CACNG1: variants seen among roughly 807,000 people sequenced by gnomAD.
CACNG1 encodes voltage-dependent calcium channel gamma-1 subunit.
A neutral mutation model predicts 22.0 loss-of-function variants in CACNG1; 21 were observed. The observed-to-expected ratio is 0.95, with a 90% CI of 0.68 to 1.37. The LOEUF (loss-of-function observed/expected upper bound fraction) is 1.37. CACNG1 is among the 40% of genes most tolerant of loss of function. The probability of loss-of-function intolerance (pLI) is 0.00; values close to 1 mark genes in which losing one functional copy is unlikely to be tolerated. For missense variants in CACNG1, 291 were observed against 308.6 expected, an observed-to-expected ratio of 0.94 and a Z score of 0.43; for synonymous variants, 127 against 129.2, an observed-to-expected ratio of 0.98 and a Z score of 0.12.
intron 1 of CACNG1, among the ~76,000 whole-genome samples, chr17:67,047,406 T>A (rs1328196294): frequency 1.3e-5 from 2 of 152,222 alleles, no homozygotes; most frequent in Admixed American, 6.5e-5. Flanking sequence ...ACTTGCCTTA[T>A]TCCTGTTTCC....
intron 1 of CACNG1, among the ~76,000 whole-genome samples, chr17:67,052,199 G>A (rs898149359): frequency 2.3e-4 from 35 of 152,188 alleles, no homozygotes; most frequent in African/African-American, 8.2e-4. Context: ...CACCAATTCT[G>A]ACATCACCAC....
rs776361976 is a variant in CACNG1 at position 67,056,102 on chromosome 17, A to T, written c.500A>T (p.Asp167Val). ...VMRQSVKRMI[D>V]SEDTVWIEYY... ...CGGCAGTCGGTGAAGCGCATGATTG[A>T]CAGTGAGGACACCGTCTGGATCGAG... is the stretch of plus-strand genomic sequence containing the variant. Residue 167 changes from aspartate (D) to valine (V), a missense_variant, in exon 4 of 4, where the codon GAC (aspartate) becomes GTC (valine). Coordinates refer to ENST00000226021, the MANE Select transcript of CACNG1 (RefSeq NM_000727.4). The surrounding 1 kb of genome is among the most constrained non-coding windows in gnomAD (Gnocchi z 4.3). The T allele has an allele frequency of 6.2e-7, 1 of 1,613,360 alleles. No homozygotes were observed. Among genetic ancestry groups the T allele is most frequent in the Admixed American group, 1.7e-5 (1 of 59,982 alleles).
At chr17:67,047,251 C>T (rs1451631577) in intron 1 of CACNG1, among the ~76,000 whole-genome samples, 1 of 152,184 alleles carries the variant, frequency 6.6e-6, no homozygotes, top group East Asian at 1.9e-4. Context: ...CAAAAATAAT[C>T]TTCTCCATAA....
At position 67,056,000 on chromosome 17, in the gene CACNG1, G is replaced by A. The variant is rs368979237; in HGVS notation, c.443-45G>A. ...AGGCTGGGATGGGGCTGGTGGCTAC[G>A]GCAGACGCCCCTCGGTCCCTGAGCA... On this transcript the variant is annotated intron_variant, in intron 3 of 3. Coordinates refer to ENST00000226021, the MANE Select transcript of CACNG1 (RefSeq NM_000727.4). The surrounding 1 kb of genome is among the most constrained non-coding windows in gnomAD (Gnocchi z 4.5). The A allele has an allele frequency of 2.8e-5, 43 of 1,528,434 alleles. No homozygotes were observed. The highest frequency in any genetic ancestry group is 2.3e-4 in the South Asian group (20 of 88,060). The allele number at this position is 1,528,434 out of a possible 1,614,324, so 94.7% of individuals were successfully genotyped here. A position where few individuals can be genotyped will look rare whatever the true frequency, so the allele number is the denominator to read the frequency against.
At chr17:67,050,199 G>T (rs908457194) in intron 1 of CACNG1, among the ~76,000 whole-genome samples, 1 of 152,238 alleles carries the variant, frequency 6.6e-6, no homozygotes, top group Non-Finnish European at 1.5e-5. Flanking sequence ...TCTCAGTGCG[G>T]GAACTGGGAT....
rs761706676 is a variant in CACNG1 at position 67,044,813 on chromosome 17, C to T, written c.153C>T (p.Phe51=). The T allele has an allele frequency of 1.9e-6, 3 of 1,613,454 alleles. No individual in the cohort carries two copies. Among genetic ancestry groups the T allele is most frequent in the East Asian group, 2.2e-5 (1 of 44,872 alleles). Residue 51 remains phenylalanine (F), a synonymous_variant, in exon 1 of 4, where the codon TTC becomes TTT. Coordinates refer to ENST00000226021, the MANE Select transcript of CACNG1 (RefSeq NM_000727.4). This position sits in a 1 kb window ranked among gnomAD's most constrained non-coding sequence, Gnocchi z 6.9. ...HHNTTCEAAH[F]GLWRICTKRI... is the part of the protein sequence containing the mutation. ...ACACTACCTGCGAGGCGGCCCACTT[C>T]GGCCTCTGGCGGATTTGTACCAAGC...
chr17:67,049,890 A>G (rs917004669), intron 1 of CACNG1, among the ~76,000 whole-genome samples: 4 of 152,220 alleles, frequency 2.6e-5, no homozygotes, highest in African/African-American at 9.7e-5. Flanking sequence ...AGTGGGCAAG[A>G]GTTGTCTAAT....
Position 67,055,365 on chromosome 17 carries a change from A to T in CACNG1, c.442+125A>T. On this transcript the variant is annotated intron_variant, in intron 3 of 3. Transcript: ENST00000226021. This position sits in a 1 kb window ranked among gnomAD's most constrained non-coding sequence, Gnocchi z 4.5. The stretch of plus-strand genomic sequence containing the variant: ...CATTTCCCAGGCTCCATCCCCATCC[A>T]GGGGCAAACCTGGCCAGGCCATCAG... 6 of 1,174,746 alleles carry T rather than the reference A, an allele frequency of 5.1e-6. No individual in the cohort carries two copies. Among genetic ancestry groups the T allele is most frequent in the East Asian group, 2.6e-5 (1 of 38,592 alleles). 72.8% of individuals were successfully genotyped at this position (1,174,746 alleles called of 1,614,324 possible).
rs772505677 is a variant in CACNG1 at position 67,055,999 on chromosome 17, C to T, written c.443-46C>T. ...CAGGCTGGGATGGGGCTGGTGGCTACGGCAGACGCCCCTCGGTCCCTGAGC... is the reference window on the plus strand; with the variant it reads ...CAGGCTGGGATGGGGCTGGTGGCTATGGCAGACGCCCCTCGGTCCCTGAGC... On this transcript the variant is annotated intron_variant, in intron 3 of 3. Coordinates refer to ENST00000226021, the MANE Select transcript of CACNG1 (RefSeq NM_000727.4). This position sits in a 1 kb window ranked among gnomAD's most constrained non-coding sequence, Gnocchi z 4.5. The T allele has an allele frequency of 2.3e-5, 35 of 1,511,750 alleles. No homozygotes were observed. Among genetic ancestry groups the T allele is most frequent in the South Asian group, 8.0e-5 (7 of 87,346 alleles). The allele number at this position is 1,511,750 out of a possible 1,614,324, so 93.6% of individuals were successfully genotyped here. A position where few individuals can be genotyped will look rare whatever the true frequency, so the allele number is the denominator to read the frequency against.
chr17:67,044,676 A>C lies in CACNG1; in HGVS notation c.16A>C (p.Met6Leu), dbSNP rs1239578821. The C allele has an allele frequency of 1.2e-6, 2 of 1,606,834 alleles. No individual in the cohort carries two copies. The highest frequency in any genetic ancestry group is 1.7e-6 in the Non-Finnish European group (2 of 1,179,782). The change falls in exon 1 of 4, where the codon ATG (methionine) becomes CTG (leucine). Residue 6 changes from methionine to leucine, a missense_variant. Physicochemically the swap from Met to Leu is conservative, Grantham distance 15. Coordinates refer to ENST00000226021, the MANE Select transcript of CACNG1 (RefSeq NM_000727.4). This position sits in a 1 kb window ranked among gnomAD's most constrained non-coding sequence, Gnocchi z 6.9. ...GGCGACCACCATGTCCCAGACCAAAATGCTGAAGGTCCGCGTGACCCTCTT... is the reference window on the plus strand; with the variant it reads ...GGCGACCACCATGTCCCAGACCAAACTGCTGAAGGTCCGCGTGACCCTCTT... MSQTK[M>L]LKVRVTLFCI...
intron 1 of CACNG1, among the ~76,000 whole-genome samples, chr17:67,047,106 C>T (rs1406730263): frequency 6.6e-6 from 1 of 152,100 alleles, no homozygotes; most frequent in Admixed American, 6.6e-5. Context: ...TCATATGTGG[C>T]CCGTCATCTA....
In CACNG1 at chr17:67,055,869, A is replaced by G. The variant is rs2035758126; in HGVS notation, c.443-176A>G. 6.6e-6 allele frequency among the ~76,000 whole-genome samples: 1 copy of G among 152,068 alleles called. No individual in the cohort carries two copies. The highest frequency in any genetic ancestry group is 6.5e-5 in the Admixed American group (1 of 15,272). ...GGTTGCCCTTCTGAGGGATGCAGGA[A>G]TAGGGTGGTGGGTGGACAAATGGAT... On this transcript the variant is annotated intron_variant, in intron 3 of 3. Transcript: ENST00000226021. The surrounding 1 kb of genome is among the most constrained non-coding windows in gnomAD (Gnocchi z 4.5).
In CACNG1 at chr17:67,054,350, C is replaced by T. The variant is rs1030640262; in HGVS notation, c.304+280C>T. 3.9e-5 allele frequency among the ~76,000 whole-genome samples: 6 copies of T among 152,138 alleles called. No homozygotes were observed. Among genetic ancestry groups the T allele is most frequent in the East Asian group, 1.9e-4 (1 of 5,186 alleles). ...CCCTACACAAGGGCAGCTGTTGTGA[C>T]GGGAGGTGTGGATGTGGAACAAATG... On this transcript the variant is annotated intron_variant, in intron 2 of 3. Coordinates refer to ENST00000226021, the MANE Select transcript of CACNG1 (RefSeq NM_000727.4). This position sits in a 1 kb window ranked among gnomAD's most constrained non-coding sequence, Gnocchi z 4.6.
Position 67,056,308 on chromosome 17 carries a change from C to CT in CACNG1, c.*37_*38insT. 2 of 1,587,042 alleles carry CT rather than the reference C, an allele frequency of 1.3e-6. No homozygotes were observed. Among genetic ancestry groups the CT allele is most frequent in the Non-Finnish European group, 1.7e-6 (2 of 1,157,112 alleles). ...CCCTAGCGACCCTCAGGCTTCTTCC[C>CT]CAGGAAGCGGGGTCTTGGCCTGGAA... is the stretch of plus-strand genomic sequence containing the variant. On this transcript the variant is annotated 3_prime_UTR_variant, in exon 4 of 4. Coordinates refer to ENST00000226021, the MANE Select transcript of CACNG1 (RefSeq NM_000727.4). The surrounding 1 kb of genome is among the most constrained non-coding windows in gnomAD (Gnocchi z 4.3).
At position 67,049,604 on chromosome 17, in the gene CACNG1, G is replaced by A. The variant is rs1410852759; in HGVS notation, c.230-4392G>A. Among the ~76,000 whole-genome samples the A allele has an allele frequency of 2.0e-5, 3 of 152,118 alleles. No homozygotes were observed. In the East Asian group the frequency reaches 5.8e-4, roughly 29 times the overall value. ...TCTACAGGTGGGTCTCATTCTACAGGTAGGAACAGGGAGGCTGAGCATAGC... is the reference window on the plus strand; with the variant it reads ...TCTACAGGTGGGTCTCATTCTACAGATAGGAACAGGGAGGCTGAGCATAGC... On this transcript the variant is annotated intron_variant, in intron 1 of 3. Transcript: ENST00000226021.
In CACNG1 at chr17:67,054,189, T is replaced by C. The variant is rs2270084; in HGVS notation, c.304+119T>C. On this transcript the variant is annotated intron_variant, in intron 2 of 3. Coordinates refer to ENST00000226021, the MANE Select transcript of CACNG1 (RefSeq NM_000727.4). This position sits in a 1 kb window ranked among gnomAD's most constrained non-coding sequence, Gnocchi z 4.6. ...TCCTCACGCCTGATGAGAAGAAGCC[T>C]GTGGTGCATTTGAACAACAGCCTTG... The C allele has an allele frequency of 0.73, 579,647 of 790,978 alleles. 216,383 individuals are homozygous for C. The highest frequency in any genetic ancestry group is 0.97 in the East Asian group (37,761 of 39,120). The allele number at this position is 790,978 out of a possible 1,614,324, so 49.0% of individuals were successfully genotyped here. A position where few individuals can be genotyped will look rare whatever the true frequency, so the allele number is the denominator to read the frequency against.
rs1174156981 is a variant in CACNG1 at position 67,055,667 on chromosome 17, C to T, written c.443-378C>T. Among the ~76,000 whole-genome samples the T allele has an allele frequency of 6.6e-6, 1 of 152,128 alleles. No homozygotes were observed. Among genetic ancestry groups the T allele is most frequent in the Non-Finnish European group, 1.5e-5 (1 of 68,028 alleles). ...CCCAGCCTCCTAGTAGCTGGGACTA[C>T]AGACGTGCACCACCACACCTGGCTA... is the stretch of plus-strand genomic sequence containing the variant. On this transcript the variant is annotated intron_variant, in intron 3 of 3. Transcript: ENST00000226021. The surrounding 1 kb of genome is among the most constrained non-coding windows in gnomAD (Gnocchi z 4.5).
At chr17:67,049,157 C>T (rs1262467423) in intron 1 of CACNG1, among the ~76,000 whole-genome samples, 1 of 152,140 alleles carries the variant, frequency 6.6e-6, no homozygotes, top group Non-Finnish European at 1.5e-5. Context: ...GACAGAGAAT[C>T]TTAAAAACGG....
At chr17:67,048,175 TG>T (rs1235103735) in intron 1 of CACNG1, among the ~76,000 whole-genome samples, 1 of 152,032 alleles carries the variant, frequency 6.6e-6, no homozygotes, top group African/African-American at 2.4e-5. Flanking sequence ...CACATTATAT[TG>T]TTTAAAAAAT....
Sources: gnomAD v4.1 joint callset for allele counts (sites outside exome capture counted in the v4.1 genomes callset) on GRCh38, gnomAD v4.1.1 for gene constraint, Gnocchi (gnomAD v3.1) non-coding constraint, MANE v1.5 for transcripts, NCBI Gene and HGNC (gene_info 2026-07-23, HGNC 2026-07-21) for gene names.